The following SLCO3A1 variants were observed in gnomAD, a reference collection of about 807,000 sequenced individuals.
SLCO3A1 encodes the protein solute carrier organic anion transporter family member 3A1.
In SLCO3A1, 27 loss-of-function variants were observed where a neutral mutation model predicts 63.1. That is an observed-to-expected ratio of 0.43 (90% CI 0.32 to 0.59). SLCO3A1 has a LOEUF of 0.59. Among genes scored for constraint, SLCO3A1 ranks in the 20% least tolerant of loss-of-function variants. The pLI is 0.09. For missense variants in SLCO3A1, 773 were observed against 945.8 expected, an observed-to-expected ratio of 0.82 and a Z score of 2.40; for synonymous variants, 473 against 409.9, an observed-to-expected ratio of 1.15 and a Z score of -1.86.
chr15:92,108,262 G>A (rs1052084523), intron 4 of SLCO3A1, among the ~76,000 whole-genome samples: 5 of 152,212 alleles, frequency 3.3e-5, no homozygotes, highest in Non-Finnish European at 7.3e-5. Flanking sequence ...TGTGGGGGCT[G>A]GCCGAGCCAA....
intron 9 of SLCO3A1, among the ~76,000 whole-genome samples, chr15:92,159,344 G>T (rs907953776): frequency 5.3e-5 from 8 of 152,012 alleles, no homozygotes; most frequent in African/African-American, 1.9e-4. Flanking sequence ...AATTAGCCGG[G>T]CGTGGTGGCA....
Position 91,859,046 on chromosome 15 carries a change from C to A in SLCO3A1, c.180+4958C>A, listed in dbSNP as rs1270601759. On this transcript the variant is annotated intron_variant, in intron 1 of 9. Transcript: ENST00000318445. This position sits in a 1 kb window ranked among gnomAD's most constrained non-coding sequence, Gnocchi z 5.1. ...TCTCTAAAGTGGAGTCAAAGTACTT[C>A]TCTTCTGCATATGTACTCTATTCTG... 6.6e-6 allele frequency among the ~76,000 whole-genome samples: 1 copy of A among 152,238 alleles called. No individual in the cohort carries two copies. The highest frequency in any genetic ancestry group is 1.9e-4 in the East Asian group (1 of 5,202).
At chr15:91,927,695 C>T (rs1278712769) in intron 2 of SLCO3A1, among the ~76,000 whole-genome samples, 1 of 152,170 alleles carries the variant, frequency 6.6e-6, no homozygotes, top group Non-Finnish European at 1.5e-5. Flanking sequence ...TGATTTCTCC[C>T]TGCTTCCCTT....
rs74855786 is a variant in SLCO3A1, at chr15:91,866,713, G to A, written c.180+12625G>A. Among the ~76,000 whole-genome samples the A allele has an allele frequency of 1.3e-3, 192 of 152,018 alleles. 4 individuals carry two copies. The East Asian group carries it at 0.035, about 28-fold the overall frequency. On this transcript the variant is annotated intron_variant, in intron 1 of 9. Coordinates refer to ENST00000318445, the MANE Select transcript of SLCO3A1 (RefSeq NM_013272.4). The stretch of plus-strand genomic sequence containing the variant: ...TTGGCCCTCATGGAGTTGATTTATC[G>A]TGGGGGGGGAGATGACATGTTTATA...
intron 2 of SLCO3A1, among the ~76,000 whole-genome samples, chr15:92,076,134 C>A (rs2047273392): frequency 6.6e-6 from 1 of 152,214 alleles, no homozygotes; most frequent in South Asian, 2.1e-4. Context: ...GGCCGTGTCC[C>A]CCTTAGTGAT....
At chr15:92,032,786 C>T (rs908061595) in intron 2 of SLCO3A1, among the ~76,000 whole-genome samples, 2 of 152,076 alleles carry the variant, frequency 1.3e-5, no homozygotes, top group Non-Finnish European at 2.9e-5. Context: ...CTTTGAGGAG[C>T]ATCATGGAAG....
rs1008262561 is a variant in SLCO3A1, at chr15:91,863,399, C to T, written c.180+9311C>T. ...CCCTTAAGGTTGGCTTTCGAGGTTG[C>T]TCGTGCAGTGTAGTGGGATGGCCGT... On this transcript the variant is annotated intron_variant, in intron 1 of 9. Transcript: ENST00000318445. The surrounding 1 kb of genome is among the most constrained non-coding windows in gnomAD (Gnocchi z 4.3). 6.6e-6 allele frequency among the ~76,000 whole-genome samples: 1 copy of T among 152,220 alleles called. No individual in the cohort carries two copies. The highest frequency in any genetic ancestry group is 1.9e-4 in the East Asian group (1 of 5,198).
At chr15:91,956,114 G>A (rs1397185460) in intron 2 of SLCO3A1, among the ~76,000 whole-genome samples, 3 of 152,150 alleles carry the variant, frequency 2.0e-5, no homozygotes, top group African/African-American at 7.2e-5. Flanking sequence ...GTGCACTGGG[G>A]TCAGAGGCCA....
At chr15:91,920,926 C>CT (rs1898822395) in intron 2 of SLCO3A1, among the ~76,000 whole-genome samples, 1 of 152,144 alleles carries the variant, frequency 6.6e-6, no homozygotes. Flanking sequence ...GATGGATTTC[C>CT]TACCATACTT....
rs369745020 is a variant in SLCO3A1, at chr15:92,116,577, C to A, written c.1010-3888C>A. Among the ~76,000 whole-genome samples, 5 of 152,314 alleles carry A rather than the reference C, an allele frequency of 3.3e-5. No homozygotes were observed. The South Asian group carries it at 6.2e-4, about 19-fold the overall frequency. ...GCAGGTGTTCAATGGCCTGGTGTGG[C>A]CTTGGTTCACCAGTTTCTGTTTGCC... On this transcript the variant is annotated intron_variant, in intron 4 of 9. Transcript: ENST00000318445.
intron 2 of SLCO3A1, among the ~76,000 whole-genome samples, chr15:92,009,148 C>T (rs2046343318): frequency 6.6e-6 from 1 of 152,326 alleles, no homozygotes; most frequent in African/African-American, 2.4e-5. Flanking sequence ...TGCATGCTGT[C>T]CCAAATGTTA....
At chr15:91,884,118 G>A (rs74655159) in intron 1 of SLCO3A1, among the ~76,000 whole-genome samples, 7 of 152,270 alleles carry the variant, frequency 4.6e-5, no homozygotes, top group South Asian at 2.1e-4. Context: ...ATAGGTACAC[G>A]TATTATCTTC....
chr15:91,900,271 G>A lies in SLCO3A1; in HGVS notation c.181-15722G>A, dbSNP rs1480612276. 3.3e-5 allele frequency among the ~76,000 whole-genome samples: 5 copies of A among 152,192 alleles called. No homozygotes were observed. The highest frequency in any genetic ancestry group is 2.0e-4 in the Admixed American group (3 of 15,274). The stretch of plus-strand genomic sequence containing the variant: ...TTTATCTTTTATGTTCCCACTAGCA[G>A]TATCTGAGTGTTCCAGTTTCCTCAG... On this transcript the variant is annotated intron_variant, in intron 1 of 9. Coordinates refer to ENST00000318445, the MANE Select transcript of SLCO3A1 (RefSeq NM_013272.4). This position sits in a 1 kb window ranked among gnomAD's most constrained non-coding sequence, Gnocchi z 4.3.
In SLCO3A1 at chr15:91,872,895, G is replaced by C. The variant is rs1017680841; in HGVS notation, c.180+18807G>C. Among the ~76,000 whole-genome samples, 1 of 152,228 alleles carries C rather than the reference G, an allele frequency of 6.6e-6. No homozygotes were observed. On this transcript the variant is annotated intron_variant, in intron 1 of 9. Transcript: ENST00000318445. The surrounding 1 kb of genome is among the most constrained non-coding windows in gnomAD (Gnocchi z 4.1). ...GCATGGTGGCGTCTGTAAGTGACAAGAGTGCTCTGAAAAAGACCTGTTATA... is the reference window on the plus strand; with the variant it reads ...GCATGGTGGCGTCTGTAAGTGACAACAGTGCTCTGAAAAAGACCTGTTATA...
intron 2 of SLCO3A1, among the ~76,000 whole-genome samples, chr15:92,079,847 C>G (rs1199931380): frequency 6.6e-6 from 1 of 152,350 alleles, no homozygotes; most frequent in South Asian, 2.1e-4. Context: ...CTGCACTGCC[C>G]CTTGCTGGGG....
rs921712426 is a variant in SLCO3A1 at position 91,875,203 on chromosome 15, A to G, written c.180+21115A>G. On this transcript the variant is annotated intron_variant, in intron 1 of 9. Coordinates refer to ENST00000318445, the MANE Select transcript of SLCO3A1 (RefSeq NM_013272.4). The surrounding 1 kb of genome is among the most constrained non-coding windows in gnomAD (Gnocchi z 4.5). ...ACTGAGCATCCGCTGTGTGTACCTGACACATGTCATCTCATTTAGTCCTTT... is the reference window on the plus strand; with the variant it reads ...ACTGAGCATCCGCTGTGTGTACCTGGCACATGTCATCTCATTTAGTCCTTT... 5.3e-5 allele frequency among the ~76,000 whole-genome samples: 8 copies of G among 152,180 alleles called. No individual in the cohort carries two copies. Among genetic ancestry groups the G allele is most frequent in the Non-Finnish European group, 1.2e-4 (8 of 68,034 alleles).
intron 1 of SLCO3A1, among the ~76,000 whole-genome samples, chr15:91,896,607 C>T (rs60116471): frequency 0.13 from 20,505 of 152,236 alleles, 1,610 homozygotes; most frequent in East Asian, 0.34. Flanking sequence ...TCTGTGCACA[C>T]TGTCTTGCCT....
At chr15:92,079,995 T>A (rs2047323086) in intron 2 of SLCO3A1, among the ~76,000 whole-genome samples, 1 of 152,232 alleles carries the variant, frequency 6.6e-6, no homozygotes, top group East Asian at 1.9e-4. Flanking sequence ...TTTCTCTGGA[T>A]GGATTTCCGG....
Position 92,062,348 on chromosome 15 carries a change from T to G in SLCO3A1, c.647-32533T>G, listed in dbSNP as rs577515509. Among the ~76,000 whole-genome samples the G allele has an allele frequency of 7.2e-5, 11 of 152,286 alleles. No individual in the cohort carries two copies. In the South Asian group the frequency reaches 2.3e-3, roughly 32 times the overall value. Reference sequence around the variant, plus strand: ...CTGACCTGGGTCCAAGTCGGGTCAGTCATCCTGGGAAAAGCAAGGATTCAG... The same window carrying G: ...CTGACCTGGGTCCAAGTCGGGTCAGGCATCCTGGGAAAAGCAAGGATTCAG... On this transcript the variant is annotated intron_variant, in intron 2 of 9. Coordinates refer to ENST00000318445, the MANE Select transcript of SLCO3A1 (RefSeq NM_013272.4).
Sources: gnomAD v4.1 joint callset for allele counts (sites outside exome capture counted in the v4.1 genomes callset) on GRCh38, gnomAD v4.1.1 for gene constraint, Gnocchi (gnomAD v3.1) non-coding constraint, MANE v1.5 for transcripts, NCBI Gene and HGNC (gene_info 2026-07-23, HGNC 2026-07-21) for gene names.